Variants in ARL15 observed in about 807,000 individuals in gnomAD.
ARL15 encodes the protein ADP-ribosylation factor-like protein 15.
In ARL15, 19 loss-of-function variants were observed where a neutral mutation model predicts 25.2. The ratio of observed to expected loss-of-function variants is 0.75; its 90% confidence interval spans 0.53 to 1.10. The LOEUF is 1.10. ARL15 is among the 50% of genes least tolerant of loss of function. ARL15 has a pLI of 0.00. For synonymous variants in ARL15, 94 were observed against 86.8 expected (o/e 1.08, Z -0.46); for missense variants, 220 against 246.0 (o/e 0.89, Z 0.71).
intron 1 of ARL15, among the ~76,000 whole-genome samples, chr5:54,224,299 G>T (rs1366447773): frequency 6.6e-6 from 1 of 152,112 alleles, no homozygotes; most frequent in African/African-American, 2.4e-5. Context: ...GATGAGACAA[G>T]GATGACAAGG....
At chr5:54,026,268 TTTTC>T (rs375500160) in intron 4 of ARL15, among the ~76,000 whole-genome samples, 322 of 152,288 alleles carry the variant, frequency 2.1e-3, no homozygotes, top group African/African-American at 7.3e-3. Flanking sequence ...TTTCAATTTA[TTTTC>T]TTTCTTTATT....
chr5:54,117,364 G>GACACACACACACACACAC (rs776020187), intron 3 of ARL15, among the ~76,000 whole-genome samples: 1 of 90,982 alleles, frequency 1.1e-5, no homozygotes, highest in Non-Finnish European at 2.0e-5. Flanking sequence ...CAAATAGTGA[G>GACACACACACACACACAC]ACACATACAC....
At chr5:53,962,978 A>C (rs570388945) in intron 4 of ARL15, among the ~76,000 whole-genome samples, 1 of 152,298 alleles carries the variant, frequency 6.6e-6, no homozygotes, top group Admixed American at 6.5e-5. Flanking sequence ...GGTAATGAAA[A>C]CATTTAGTCC....
chr5:54,160,761 G>A (rs760156250), intron 2 of ARL15, among the ~76,000 whole-genome samples: 103 of 152,264 alleles, frequency 6.8e-4, no homozygotes, highest in African/African-American at 2.4e-3. Flanking sequence ...AATAAAGTTT[G>A]AATTCTCTTT....
intron 4 of ARL15, among the ~76,000 whole-genome samples, chr5:53,906,500 T>G (rs1030369352): frequency 3.9e-5 from 6 of 152,160 alleles, no homozygotes; most frequent in African/African-American, 1.4e-4. Flanking sequence ...GTTCTGCACA[T>G]GAGGTGGAGG....
intron 3 of ARL15, among the ~76,000 whole-genome samples, chr5:54,140,531 A>C (rs1753744834): frequency 6.6e-6 from 1 of 152,144 alleles, no homozygotes; most frequent in Admixed American, 6.6e-5. Flanking sequence ...TTAAAGAAAA[A>C]GAACATGATA....
At chr5:54,004,093 G>A (rs191610795) in intron 4 of ARL15, among the ~76,000 whole-genome samples, 24 of 152,228 alleles carry the variant, frequency 1.6e-4, no homozygotes, top group African/African-American at 5.3e-4. Context: ...CCTTGCCATC[G>A]CTTTGCCACT....
At chr5:54,220,309 C>T (rs1376939519) in intron 1 of ARL15, among the ~76,000 whole-genome samples, 1 of 152,084 alleles carries the variant, frequency 6.6e-6, no homozygotes, top group African/African-American at 2.4e-5. Context: ...TCTCCACTCC[C>T]CTCCCCCACC....
Position 54,015,907 on chromosome 5 carries a change from G to T in ARL15, c.462+97295C>A, listed in dbSNP as rs144333455. ...GTAAAGTAACTGTATCAGGAAGAAG[G>T]CTGCTCTATTACCAGAGAGACTTTA... is the stretch of plus-strand genomic sequence containing the variant. On this transcript the variant is annotated intron_variant, in intron 4 of 4. Transcript: ENST00000504924. Among the ~76,000 whole-genome samples the T allele has an allele frequency of 2.5e-3, 383 of 152,224 alleles. 3 individuals carry two copies. The highest frequency in any genetic ancestry group is 8.5e-3 in the African/African-American group (352 of 41,536).
At chr5:53,929,263 C>T (rs1746126306) in intron 4 of ARL15, among the ~76,000 whole-genome samples, 1 of 151,878 alleles carries the variant, frequency 6.6e-6, no homozygotes, top group Non-Finnish European at 1.5e-5. Flanking sequence ...TATTATTTTT[C>T]CCTCAATGGG....
intron 4 of ARL15, among the ~76,000 whole-genome samples, chr5:53,961,876 T>C (rs1747384087): frequency 6.6e-6 from 1 of 152,230 alleles, no homozygotes; most frequent in Non-Finnish European, 1.5e-5. Flanking sequence ...TTGCCTTTTT[T>C]GACTATTTTA....
intron 4 of ARL15, among the ~76,000 whole-genome samples, chr5:53,902,720 A>G (rs1303490473): frequency 1.3e-5 from 2 of 152,194 alleles, no homozygotes; most frequent in Non-Finnish European, 2.9e-5. Flanking sequence ...TCAGTCACCA[A>G]TGGAGGGTGC....
intron 3 of ARL15, among the ~76,000 whole-genome samples, chr5:54,136,874 T>G (rs1403453826): frequency 3.3e-5 from 5 of 151,992 alleles, no homozygotes; most frequent in African/African-American, 4.8e-5. Flanking sequence ...CCTGGGTTTT[T>G]TTTTTTTTTT....
chr5:53,977,472 T>C (rs899271693), intron 4 of ARL15, among the ~76,000 whole-genome samples: 1 of 152,074 alleles, frequency 6.6e-6, no homozygotes, highest in African/African-American at 2.4e-5. Flanking sequence ...CTGTCAGTAA[T>C]AACTTCACTT....
chr5:54,122,951 C>A (rs1579821777), intron 3 of ARL15, among the ~76,000 whole-genome samples: 2 of 152,228 alleles, frequency 1.3e-5, no homozygotes, highest in East Asian at 3.9e-4. Flanking sequence ...TATACAGAAT[C>A]TGGCACAGAG....
chr5:54,304,217 T>C (rs1758693046), intron 1 of ARL15, among the ~76,000 whole-genome samples: 1 of 152,166 alleles, frequency 6.6e-6, no homozygotes, highest in South Asian at 2.1e-4. Context: ...TGGAAGGCAA[T>C]GAAGAGGGAG....
At chr5:54,256,581 T>C (rs1014610444) in intron 1 of ARL15, among the ~76,000 whole-genome samples, 6 of 146,736 alleles carry the variant, frequency 4.1e-5, no homozygotes, top group African/African-American at 1.3e-4. Context: ...GAAGCCAGTA[T>C]TACCCTGATA....
chr5:54,239,590 T>G (rs535140500), intron 1 of ARL15, among the ~76,000 whole-genome samples: 1 of 152,316 alleles, frequency 6.6e-6, no homozygotes, highest in East Asian at 1.9e-4. Flanking sequence ...CCAGCCTCAC[T>G]TGTAGTTAAG....
intron 1 of ARL15, among the ~76,000 whole-genome samples, chr5:54,269,020 A>G (rs935207937): frequency 1.3e-5 from 2 of 151,270 alleles, no homozygotes; most frequent in African/African-American, 4.9e-5. Context: ...GAATTGAACA[A>G]TGAGAACACA....
Sources: allele counts gnomAD v4.1 joint callset (sites outside exome capture counted in the v4.1 genomes callset), GRCh38; gene constraint gnomAD v4.1.1; transcripts MANE v1.5; gene names NCBI Gene and HGNC (gene_info 2026-07-23, HGNC 2026-07-21).